The following EML1 variants were observed in gnomAD, a reference collection of about 807,000 sequenced individuals.
EML1 encodes the protein echinoderm microtubule-associated protein-like 1.
A neutral mutation model predicts 110.4 loss-of-function variants in EML1; 27 were observed. That is an observed-to-expected ratio of 0.24 (90% CI 0.18 to 0.34). The LOEUF (loss-of-function observed/expected upper bound fraction) is 0.34. Among genes scored for constraint, EML1 ranks in the 10% least tolerant of loss-of-function variants. The pLI, the probability that EML1 is intolerant of heterozygous loss-of-function variation, is 1.00. For missense variants in EML1, 741 were observed against 1,030.9 expected (o/e 0.72, Z 3.85); for synonymous variants, 344 against 385.8 (o/e 0.89, Z 1.27).
chr14:99,928,477 G>A lies in EML1; in HGVS notation c.1910-7552G>A, dbSNP rs970271891. 2.6e-5 allele frequency among the ~76,000 whole-genome samples: 4 copies of A among 152,070 alleles called. No individual in the cohort carries two copies. In the East Asian group the frequency reaches 7.7e-4, roughly 29 times the overall value. On this transcript the variant is annotated intron_variant, in intron 17 of 21. Transcript: ENST00000262233. ...CCCTCCTTCCTTTTTCATCTGAAGG[G>A]AGGAGATCACAATATGGGTGTTAGG...
intron 4 of EML1, among the ~76,000 whole-genome samples, chr14:99,882,441 G>A (rs1378394726): frequency 1.3e-5 from 2 of 152,132 alleles, no homozygotes; most frequent in African/African-American, 4.8e-5. Flanking sequence ...GCAAGACACT[G>A]TTTCAGCTTT....
rs191376273 is a variant in EML1 at position 99,857,136 on chromosome 14, A to G, written c.250+6101A>G. On this transcript the variant is annotated intron_variant, in intron 2 of 21. Coordinates refer to ENST00000262233, the MANE Select transcript of EML1 (RefSeq NM_004434.3). ...AAAATACCGAAATTAGCCTTGTGTG[A>G]TGGCGTGAACCTGTAGCCCCAGCTA... is the stretch of plus-strand genomic sequence containing the variant. Among the ~76,000 whole-genome samples the G allele has an allele frequency of 8.7e-4, 133 of 152,116 alleles. 1 individual carries two copies. Among genetic ancestry groups the G allele is most frequent in the Non-Finnish European group, 1.1e-3 (75 of 68,000 alleles).
At chr14:99,911,855 A>C (rs1331114646) in intron 13 of EML1, among the ~76,000 whole-genome samples, 1 of 151,916 alleles carries the variant, frequency 6.6e-6, no homozygotes, top group Non-Finnish European at 1.5e-5. Context: ...ATTTATTATA[A>C]AAATCTGTCT....
At chr14:99,938,434 T>G (rs959800962) in intron 20 of EML1, among the ~76,000 whole-genome samples, 1 of 152,252 alleles carries the variant, frequency 6.6e-6, no homozygotes, top group Non-Finnish European at 1.5e-5. Context: ...TTTTGTGGTG[T>G]TCAGTGCTGA....
At chr14:99,898,207 A>G (rs2059703132) in intron 7 of EML1, 26 bp from the exon 8 acceptor site, 1 of 1,563,550 alleles carries the variant, frequency 6.4e-7, no homozygotes, top group East Asian at 2.3e-5. Flanking sequence ...CAACATGTAG[A>G]TGTTTTGTAA....
At chr14:99,811,334 C>T (rs759130398) in intron 1 of EML1, among the ~76,000 whole-genome samples, 17 of 148,074 alleles carry the variant, frequency 1.1e-4, no homozygotes, top group Non-Finnish European at 2.0e-4. Flanking sequence ...GTTCGAGCCA[C>T]TGTGCCTTGT....
chr14:99,926,447 G>T (rs1422347687), intron 17 of EML1, among the ~76,000 whole-genome samples: 1 of 151,960 alleles, frequency 6.6e-6, no homozygotes, highest in South Asian at 2.1e-4. Context: ...ACCACACCTG[G>T]CTAATTTTTG....
At chr14:99,817,098 C>CTT (rs61613679) in intron 1 of EML1, among the ~76,000 whole-genome samples, 1 of 151,958 alleles carries the variant, frequency 6.6e-6, no homozygotes, top group Non-Finnish European at 1.5e-5. Context: ...AAAGTTCTTT[C>CTT]TTTTTTTTCT....
At chr14:99,789,710 C>T (rs2057641263), upstream of EML1, among the ~76,000 whole-genome samples, 1 of 152,176 alleles carries the variant, frequency 6.6e-6, no homozygotes, top group Non-Finnish European at 1.5e-5. Context: ...TTAAAAATTG[C>T]CTTTCTATGA....
intron 17 of EML1, among the ~76,000 whole-genome samples, chr14:99,927,029 T>C (rs1208489873): frequency 6.6e-6 from 1 of 152,254 alleles, no homozygotes; most frequent in Non-Finnish European, 1.5e-5. Context: ...ATTACAGGCG[T>C]GAGCCACAGC....
intron 7 of EML1, 60 bp from the exon 8 acceptor site, chr14:99,898,172 GC>G: frequency 7.1e-7 from 1 of 1,411,006 alleles, no homozygotes; most frequent in Non-Finnish European, 9.6e-7. Flanking sequence ...TTATATTTGA[GC>G]AAGGGAAAAG....
chr14:99,747,783 C>A (rs1012086190), intron 1 of EML1, among the ~76,000 whole-genome samples: 2 of 152,190 alleles, frequency 1.3e-5, no homozygotes, highest in African/African-American at 2.4e-5. Flanking sequence ...AAGCCCACCC[C>A]TGGCCACACG....
rs1251072970 is a variant in EML1, at chr14:99,936,609, G to T, written c.2095+275G>T. ...CAAGCCCTGCAGAGGGGGGCTTGGG[G>T]CAGGCGGATGTGGCAGAAGGGGGCG... On this transcript the variant is annotated intron_variant, in intron 19 of 21. Coordinates refer to ENST00000262233, the MANE Select transcript of EML1 (RefSeq NM_004434.3). The surrounding 1 kb of genome is among the most constrained non-coding windows in gnomAD (Gnocchi z 5.5). Among the ~76,000 whole-genome samples the T allele has an allele frequency of 6.6e-6, 1 of 152,178 alleles. No individual in the cohort carries two copies. Among genetic ancestry groups the T allele is most frequent in the Non-Finnish European group, 1.5e-5 (1 of 68,022 alleles).
At chr14:99,934,797 T>C (rs902640419) in intron 17 of EML1, among the ~76,000 whole-genome samples, 3 of 152,222 alleles carry the variant, frequency 2.0e-5, no homozygotes, top group African/African-American at 4.8e-5. Context: ...CCGTGTTTCC[T>C]GTCCTGGGCA....
At position 99,939,893 on chromosome 14, in the gene EML1, G is replaced by A. The variant is rs577565332; in HGVS notation, c.2323-94G>A. On this transcript the variant is annotated intron_variant, in intron 21 of 21. Transcript: ENST00000262233. The surrounding 1 kb of genome is among the most constrained non-coding windows in gnomAD (Gnocchi z 4.2). ...GCTGCCGAGCGGAGGGCGAGTAAAGGAATTAAGGCATGCAGTGAGAATTCA... is the reference window on the plus strand; with the variant it reads ...GCTGCCGAGCGGAGGGCGAGTAAAGAAATTAAGGCATGCAGTGAGAATTCA... 14 of 1,417,648 alleles carry A rather than the reference G, an allele frequency of 9.9e-6. No individual in the cohort carries two copies. In the East Asian group the frequency reaches 2.0e-4, roughly 21 times the overall value. 87.8% of individuals were successfully genotyped at this position (1,417,648 alleles called of 1,614,324 possible).
intron 1 of EML1, among the ~76,000 whole-genome samples, chr14:99,832,744 T>C (rs971336235): frequency 6.6e-6 from 1 of 152,246 alleles, no homozygotes; most frequent in Admixed American, 6.5e-5. Context: ...TTGAGAATGC[T>C]TCATATATTC....
At chr14:99,907,811 T>A in intron 10 of EML1, 78 bp downstream of exon 10, 3 of 1,368,662 alleles carry the variant, frequency 2.2e-6, no homozygotes, top group Non-Finnish European at 3.1e-6. Flanking sequence ...TAGCCCCCTT[T>A]CAGCGGGCTC....
At chr14:99,764,838 C>G (rs11621965) in intron 1 of EML1, among the ~76,000 whole-genome samples, 19,558 of 152,266 alleles carry the variant, frequency 0.13, 1,489 homozygotes, top group South Asian at 0.23. Context: ...ACACCCAAAC[C>G]GCTGTCCTGC....
intron 17 of EML1, among the ~76,000 whole-genome samples, chr14:99,929,453 C>A (rs1052497868): frequency 6.6e-6 from 1 of 152,182 alleles, no homozygotes; most frequent in Non-Finnish European, 1.5e-5. Flanking sequence ...TGGGGAGTGA[C>A]CCACAGTTCC....
Sources: allele counts gnomAD v4.1 joint callset (sites outside exome capture counted in the v4.1 genomes callset), GRCh38; gene constraint gnomAD v4.1.1; non-coding constraint Gnocchi (gnomAD v3.1); transcripts MANE v1.5; gene names NCBI Gene and HGNC (gene_info 2026-07-23, HGNC 2026-07-21).